SLIT3: variants seen among roughly 807,000 people sequenced by gnomAD.
The protein encoded by SLIT3 is slit guidance ligand 3, also known as slit homolog 3 protein.
Under a neutral mutation model 184.0 loss-of-function variants are expected in SLIT3, and 68 were observed. The ratio of observed to expected loss-of-function variants is 0.37; its 90% confidence interval spans 0.30 to 0.45. The LOEUF is 0.45. Among genes scored for constraint, SLIT3 ranks in the 20% least tolerant of loss-of-function variants. SLIT3 has a pLI of 1.00. For synonymous variants in SLIT3, 831 were observed against 828.6 expected (o/e 1.00, Z -0.05); for missense variants, 1,707 against 2,026.0 (o/e 0.84, Z 3.02).
intron 4 of SLIT3, among the ~76,000 whole-genome samples, chr5:169,148,003 G>A (rs141654741): frequency 2.5e-4 from 38 of 152,212 alleles, no homozygotes; most frequent in Admixed American, 1.0e-3. Flanking sequence ...AAGAAGATTC[G>A]TTCCTGTCTG....
chr5:169,147,728 G>C (rs1581458801), intron 4 of SLIT3, among the ~76,000 whole-genome samples: 1 of 152,186 alleles, frequency 6.6e-6, no homozygotes, highest in Non-Finnish European at 1.5e-5. Context: ...CAGGATGAGA[G>C]TATAGAGATA....
chr5:169,127,795 T>C (rs1179141194), intron 4 of SLIT3, among the ~76,000 whole-genome samples: 3 of 152,106 alleles, frequency 2.0e-5, no homozygotes, highest in Admixed American at 1.3e-4. Flanking sequence ...AACAGTGACA[T>C]ACGGCAAATT....
At chr5:168,975,835 A>G (rs1393330911) in intron 4 of SLIT3, among the ~76,000 whole-genome samples, 1 of 151,914 alleles carries the variant, frequency 6.6e-6, no homozygotes, top group Non-Finnish European at 1.5e-5. Context: ...TGGAGTTACT[A>G]CTTTTGCCAT....
chr5:169,146,333 T>C (rs1761923764), intron 4 of SLIT3, among the ~76,000 whole-genome samples: 1 of 152,370 alleles, frequency 6.6e-6, no homozygotes, highest in South Asian at 2.1e-4. Flanking sequence ...AAATAATACA[T>C]GACGCAGTGT....
intron 4 of SLIT3, among the ~76,000 whole-genome samples, chr5:168,945,265 A>G (rs1359694655): frequency 6.7e-6 from 1 of 149,870 alleles, no homozygotes; most frequent in African/African-American, 2.5e-5. Flanking sequence ...TTTTTGAGAC[A>G]AAGTCTCACT....
chr5:168,692,802 C>T (rs1157940035), intron 28 of SLIT3, 102 bp from the exon 29 acceptor site: 7 of 772,980 alleles, frequency 9.1e-6, no homozygotes, highest in Admixed American at 2.1e-5. Context: ...GAAGATCAGA[C>T]TCATCCAGCC....
At chr5:168,882,081 A>G (rs1251202623) in intron 5 of SLIT3, among the ~76,000 whole-genome samples, 2 of 152,326 alleles carry the variant, frequency 1.3e-5, no homozygotes, top group East Asian at 1.9e-4. Flanking sequence ...GGGGAGGCAG[A>G]TAACCTGCAT....
chr5:168,999,883 C>T (rs1755643428), intron 4 of SLIT3, among the ~76,000 whole-genome samples: 1 of 152,224 alleles, frequency 6.6e-6, no homozygotes, highest in African/African-American at 2.4e-5. Context: ...ACTGCTCAGT[C>T]ATTCCTCTTG....
At chr5:169,233,985 A>G (rs6862586) in intron 3 of SLIT3, among the ~76,000 whole-genome samples, 13,189 of 152,216 alleles carry the variant, frequency 0.087, 929 homozygotes, top group East Asian at 0.19. Flanking sequence ...TTTCCCTTTT[A>G]TTCTTAATAT....
At chr5:168,742,527 C>T (rs1355732972) in intron 20 of SLIT3, among the ~76,000 whole-genome samples, 1 of 117,934 alleles carries the variant, frequency 8.5e-6, no homozygotes, top group African/African-American at 3.6e-5. Context: ...TTGAGACATA[C>T]CAGCTGCACA....
chr5:169,185,046 G>A (rs1013523742), intron 4 of SLIT3, among the ~76,000 whole-genome samples: 24 of 152,144 alleles, frequency 1.6e-4, no homozygotes, highest in Non-Finnish European at 1.0e-4. Flanking sequence ...GGAGAGAGAC[G>A]ACACCTCCCA....
intron 8 of SLIT3, among the ~76,000 whole-genome samples, chr5:168,816,046 T>G (rs1327620007): frequency 1.3e-5 from 2 of 151,864 alleles, no homozygotes; most frequent in African/African-American, 4.8e-5. Flanking sequence ...ATGCTTTCTG[T>G]TTTTTTTGTT....
At chr5:169,143,400 A>T (rs76941685) in intron 4 of SLIT3, among the ~76,000 whole-genome samples, 3,359 of 152,362 alleles carry the variant, frequency 0.022, 131 homozygotes, top group African/African-American at 0.077. Context: ...ATGTGGCTAA[A>T]GGTTAGTACA....
At chr5:168,850,017 T>C (rs1758614179) in intron 5 of SLIT3, among the ~76,000 whole-genome samples, 1 of 152,186 alleles carries the variant, frequency 6.6e-6, no homozygotes. Flanking sequence ...AAAATCATTA[T>C]TGAAGAACAA....
chr5:168,959,721 C>T (rs1049977316), intron 4 of SLIT3, among the ~76,000 whole-genome samples: 7 of 152,082 alleles, frequency 4.6e-5, no homozygotes, highest in African/African-American at 1.7e-4. Flanking sequence ...CTCCCAGGCC[C>T]CAACTCTTTG....
At chr5:169,213,059 A>C (rs901254336) in intron 3 of SLIT3, among the ~76,000 whole-genome samples, 3 of 152,002 alleles carry the variant, frequency 2.0e-5, no homozygotes, top group Admixed American at 1.3e-4. Context: ...GTATATTTAG[A>C]AAACTTCACC....
At chr5:169,167,848 G>C (rs932394870) in intron 4 of SLIT3, among the ~76,000 whole-genome samples, 1 of 152,196 alleles carries the variant, frequency 6.6e-6, no homozygotes, top group African/African-American at 2.4e-5. Flanking sequence ...TCCCCAGTCT[G>C]TTGTCCCAGC....
chr5:168,853,576 A>G (rs1758753833), intron 5 of SLIT3, among the ~76,000 whole-genome samples: 1 of 152,236 alleles, frequency 6.6e-6, no homozygotes, highest in South Asian at 2.1e-4. Flanking sequence ...AACACTTACT[A>G]AGCATCCAGT....
At chr5:168,972,336 C>CGTGTGTGTGTGTGTGT (rs1353519749) in intron 4 of SLIT3, among the ~76,000 whole-genome samples, 410 of 39,758 alleles carry the variant, frequency 0.01, 3 homozygotes, top group Non-Finnish European at 0.011. Context: ...TGCAGGACAA[C>CGTGTGTGTGTGTGTGT]ATGTGTGTGT....
Sources: gnomAD v4.1 joint callset for allele counts (sites outside exome capture counted in the v4.1 genomes callset) on GRCh38, gnomAD v4.1.1 for gene constraint, MANE v1.5 for transcripts, NCBI Gene and HGNC (gene_info 2026-07-23, HGNC 2026-07-21) for gene names.